The following ODF2L variants were observed in gnomAD, a reference collection of about 807,000 sequenced individuals.
ODF2L encodes the protein outer dense fiber of sperm tails 2 like.
In ODF2L, 76 loss-of-function variants were observed where a neutral mutation model predicts 86.3. The observed-to-expected ratio is 0.88, with a 90% confidence interval of 0.73 to 1.07. ODF2L has a LOEUF of 1.07. Among genes scored for constraint, ODF2L ranks in the 50% least tolerant of loss-of-function variants. The pLI is 0.00. For missense variants in ODF2L, 748 were observed against 717.4 expected, an observed-to-expected ratio of 1.04 and a Z score of -0.49; for synonymous variants, 241 against 231.3, an observed-to-expected ratio of 1.04 and a Z score of -0.38.
At chr1:86,356,583 G>C in exon 14 of ODF2L, 1 of 1,613,588 alleles carries the variant, frequency 6.2e-7, no homozygotes, top group South Asian at 1.1e-5. Context: ...CTTCAGATGA[G>C]ACTCCATCTG....
chr1:86,387,179 GAA>G, intron 1 of ODF2L, 93 bp from the exon 2 acceptor site: 1 of 461,192 alleles, frequency 2.2e-6, no homozygotes, highest in Admixed American at 4.3e-5. Flanking sequence ...ATGTGTAAAA[GAA>G]TAACATTTCA....
chr1:86,388,881 G>A lies in ODF2L; in HGVS notation c.-59-1795C>T, dbSNP rs1040195802. Among the ~76,000 whole-genome samples the A allele has an allele frequency of 2.6e-5, 4 of 152,024 alleles. No individual in the cohort carries two copies. The East Asian group carries it at 7.7e-4, about 29-fold the overall frequency. ...CACTGTAAAAATAGGAATTCAGAATGACTTTCTACCTAACATTCTAAAATG... is the reference window on the plus strand; with the variant it reads ...CACTGTAAAAATAGGAATTCAGAATAACTTTCTACCTAACATTCTAAAATG... On this transcript the variant is annotated intron_variant, in intron 1 of 17. Transcript: ENST00000317336.
chr1:86,366,605 C>CAAAAAAA (rs10659852), intron 11 of ODF2L, among the ~76,000 whole-genome samples: 1 of 138,170 alleles, frequency 7.2e-6, no homozygotes. Flanking sequence ...GACTCTGTCT[C>CAAAAAAA]AAAAAAAAAA....
intron 3 of ODF2L, among the ~76,000 whole-genome samples, 171 bp from the exon 4 acceptor site, chr1:86,384,972 T>C (rs942035790): frequency 6.6e-6 from 1 of 151,916 alleles, no homozygotes; most frequent in Non-Finnish European, 1.5e-5. Flanking sequence ...TGTTATACAG[T>C]ACATTAAAAT....
chr1:86,382,042 G>C (rs1660624335), intron 7 of ODF2L, 200 bp downstream of exon 7: 4 of 582,826 alleles, frequency 6.9e-6, no homozygotes, highest in Non-Finnish European at 9.8e-6. Context: ...GTATTAAACA[G>C]AGACAGCATT....
intron 1 of ODF2L, among the ~76,000 whole-genome samples, chr1:86,388,565 A>G (rs1461140956): frequency 1.3e-5 from 2 of 151,730 alleles, no homozygotes; most frequent in African/African-American, 4.8e-5. Flanking sequence ...ATAATGACTA[A>G]AGACTGCCTT....
chr1:86,372,675 A>G (rs1659879683), intron 8 of ODF2L, 135 bp from the exon 9 acceptor site: 3 of 502,854 alleles, frequency 6.0e-6, no homozygotes, highest in Non-Finnish European at 1.0e-5. Context: ...AGAAAACTAT[A>G]CATGCATGTT....
At chr1:86,357,412 C>T (rs1266341641) in intron 13 of ODF2L, among the ~76,000 whole-genome samples, 4 of 150,544 alleles carry the variant, frequency 2.7e-5, no homozygotes, top group Admixed American at 2.6e-4. Context: ...GGGAATGCTT[C>T]CTAAAACTGT....
At chr1:86,357,068 T>C (rs1314248952) in intron 13 of ODF2L, among the ~76,000 whole-genome samples, 2 of 152,352 alleles carry the variant, frequency 1.3e-5, no homozygotes, top group East Asian at 3.9e-4. Context: ...TAGGGTTTAC[T>C]GTATATTATT....
exon 18 of ODF2L, chr1:86,351,242 T>C (rs994143573): frequency 3.3e-5 from 5 of 152,260 alleles, no homozygotes; most frequent in African/African-American, 1.2e-4. Context: ...CACTTAAGTC[T>C]TTAATCCATC....
exon 9 of ODF2L, chr1:86,372,461 T>A: frequency 6.6e-7 from 1 of 1,504,302 alleles, no homozygotes. Flanking sequence ...TACTTCCAAT[T>A]CGGTTTTTTC....
intron 13 of ODF2L, among the ~76,000 whole-genome samples, chr1:86,357,141 A>G (rs75727672): frequency 1.3e-5 from 2 of 152,216 alleles, no homozygotes; most frequent in African/African-American, 2.4e-5. Context: ...GTTACTATCA[A>G]CAAATCTCTC....
rs538429355 is a variant in ODF2L, at chr1:86,376,469, T to C, written c.625-51A>G. The C allele has an allele frequency of 1.5e-5, 17 of 1,111,744 alleles. 1 individual carries two copies. Among genetic ancestry groups the C allele is most frequent in the Middle Eastern group, 4.6e-4 (2 of 4,372 alleles). The allele number at this position is 1,111,744 out of a possible 1,614,324, so 68.9% of individuals were successfully genotyped here. A position where few individuals can be genotyped will look rare whatever the true frequency, so the allele number is the denominator to read the frequency against. On this transcript the variant is annotated intron_variant, in intron 7 of 17. Transcript: ENST00000317336. ...AATTATTTCAGAACTCCAATGTTTA[T>C]GTAAACATTGTAAAAATATGTACAT... is the stretch of plus-strand genomic sequence containing the variant.
At chr1:86,368,730 C>T in intron 10 of ODF2L, 1 of 1,409,978 alleles carries the variant, frequency 7.1e-7, no homozygotes, top group Non-Finnish European at 9.4e-7. Flanking sequence ...AAGCTAAAGA[C>T]AATACAACAA....
chr1:86,375,279 G>C (rs1429468379), intron 8 of ODF2L, among the ~76,000 whole-genome samples: 1 of 152,116 alleles, frequency 6.6e-6, no homozygotes, highest in Non-Finnish European at 1.5e-5. Context: ...TACAGCAACA[G>C]AAAGGAGGAC....
chr1:86,364,502 A>C (rs1659261862), intron 11 of ODF2L, among the ~76,000 whole-genome samples: 2 of 152,228 alleles, frequency 1.3e-5, no homozygotes, highest in South Asian at 4.1e-4. Context: ...ACAATTGCAG[A>C]AAATGAGTAT....
At chr1:86,368,457 G>T (rs1403646411) in intron 11 of ODF2L, among the ~76,000 whole-genome samples, 1 of 151,968 alleles carries the variant, frequency 6.6e-6, no homozygotes, top group Non-Finnish European at 1.5e-5. Flanking sequence ...ATAACTATCA[G>T]AAGAATAAAA....
rs1042567812 is a variant in ODF2L, at chr1:86,357,836, C to T, written c.1359+951G>A. 4 of 985,110 alleles carry T rather than the reference C, an allele frequency of 4.1e-6. No individual in the cohort carries two copies. The African/African-American group carries it at 5.2e-5, about 13-fold the overall frequency. 61.0% of individuals were successfully genotyped at this position (985,110 alleles called of 1,614,324 possible). A position where few individuals can be genotyped will look rare whatever the true frequency, so the allele number is the denominator to read the frequency against. On this transcript the variant is annotated intron_variant, in intron 13 of 17. Coordinates refer to ENST00000317336, the Ensembl canonical transcript of ODF2L. ...GAAAAAGACAGGCTCCAACCCTTTCCGTCATTTGAACAGGATTGTAAAATA... is the reference window on the plus strand; with the variant it reads ...GAAAAAGACAGGCTCCAACCCTTTCTGTCATTTGAACAGGATTGTAAAATA...
intron 1 of ODF2L, among the ~76,000 whole-genome samples, chr1:86,389,378 G>A (rs560874274): frequency 2.0e-5 from 3 of 152,070 alleles, no homozygotes; most frequent in Admixed American, 6.5e-5. Context: ...AAACCTCTGG[G>A]ATACAGCAAA....
Sources: allele counts gnomAD v4.1 joint callset (sites outside exome capture counted in the v4.1 genomes callset), GRCh38; gene constraint gnomAD v4.1.1; transcripts MANE v1.5; gene names NCBI Gene and HGNC (gene_info 2026-07-23, HGNC 2026-07-21).